DOCK6: variants seen among roughly 807,000 people sequenced by gnomAD.
DOCK6 encodes dedicator of cytokinesis 6, also known as dedicator of cytokinesis protein 6.
Under a neutral mutation model 230.3 loss-of-function variants are expected in DOCK6, and 167 were observed. The ratio of observed to expected loss-of-function variants is 0.73; its 90% CI spans 0.64 to 0.82. The LOEUF is 0.82. Among genes scored for constraint, DOCK6 ranks in the 40% least tolerant of loss-of-function variants. The probability of loss-of-function intolerance (pLI) is 0.00; values close to 1 mark genes in which losing one functional copy is unlikely to be tolerated. For synonymous variants in DOCK6, 1,148 were observed against 1,185.0 expected (o/e 0.97, Z 0.64); for missense variants, 2,598 against 2,825.8 (o/e 0.92, Z 1.83).
intron 14 of DOCK6, among the ~76,000 whole-genome samples, chr19:11,240,938 T>C (rs1363318285): frequency 6.6e-6 from 1 of 151,972 alleles, no homozygotes; most frequent in Non-Finnish European, 1.5e-5. Context: ...AGCACTGTTC[T>C]ATGCCCTTTA....
chr19:11,244,647 G>GA (rs1476375931), intron 9 of DOCK6, among the ~76,000 whole-genome samples: 1 of 151,612 alleles, frequency 6.6e-6, no homozygotes, highest in Non-Finnish European at 1.5e-5. Context: ...TTTTAGTAGA[G>GA]ACGAGGTTTC....
Position 11,201,039 on chromosome 19 carries a change from G to A in DOCK6, c.5702C>T (p.Pro1901Leu). 4 of 1,613,822 alleles carry A rather than the reference G, an allele frequency of 2.5e-6. No individual in the cohort carries two copies. The highest frequency in any genetic ancestry group is 3.4e-6 in the Non-Finnish European group (4 of 1,179,856). The change falls in exon 45 of 48, where the codon CCA becomes CTA. Residue 1901 changes from proline (P) to leucine (L), a missense_variant. Pro to Leu is a moderately conservative substitution (Grantham distance 98). Coordinates refer to ENST00000294618, the MANE Select transcript of DOCK6 (RefSeq NM_020812.4). This position sits in a 1 kb window ranked among gnomAD's most constrained non-coding sequence, Gnocchi z 4.3. The part of the protein sequence containing the change: ...VCHREETVLT[P>L]VEVAIEDMQK... ...CATGTCCTCGATGGCCACCTCCACT[G>A]GCGTCAGCACCGTCTGTGGGGTAAG...
chr19:11,223,126 T>A lies in DOCK6; in HGVS notation c.2956-20A>T. 1 of 1,608,210 alleles carries A rather than the reference T, an allele frequency of 6.2e-7. No individual in the cohort carries two copies. Among genetic ancestry groups the A allele is most frequent in the Non-Finnish European group, 8.5e-7 (1 of 1,176,284 alleles). On this transcript the variant is annotated intron_variant, in intron 24 of 47. Coordinates refer to ENST00000294618, the MANE Select transcript of DOCK6 (RefSeq NM_020812.4). ...CACATCCTGGGGACACAGGTGCCTG[T>A]CAACCCACACACCCAAACCTCAGCC...
chr19:11,247,857 G>A (rs2080059138), intron 7 of DOCK6: 1 of 568,914 alleles, frequency 1.8e-6, no homozygotes, highest in African/African-American at 1.9e-5. Flanking sequence ...GCTGAGAACT[G>A]ATCCTGGCAT....
rs538117635 is a variant in DOCK6, at chr19:11,214,752, G to A, written c.4107-103C>T. 7 of 1,016,312 alleles carry A rather than the reference G, an allele frequency of 6.9e-6. No homozygotes were observed. In the African/African-American group the frequency reaches 8.1e-5, roughly 12 times the overall value. The allele number at this position is 1,016,312 out of a possible 1,614,324, so 63.0% of individuals were successfully genotyped here. On this transcript the variant is annotated intron_variant, in intron 32 of 47. Coordinates refer to ENST00000294618, the MANE Select transcript of DOCK6 (RefSeq NM_020812.4). ...GCAGCCCAGGGGGCACTGGCTCCCT[G>A]GAAGCTGTTCTGTTTTTTGTTTTTG...
chr19:11,215,524 G>T, intron 31 of DOCK6, 53 bp from the exon 32 acceptor site: 1 of 1,525,624 alleles, frequency 6.6e-7, no homozygotes, highest in Non-Finnish European at 9.0e-7. Context: ...GGGCACACGT[G>T]AACATCAGGA....
intron 28 of DOCK6, 71 bp downstream of exon 28, chr19:11,221,780 C>G (rs17001243): frequency 1.2e-6 from 2 of 1,608,682 alleles, no homozygotes; most frequent in Non-Finnish European, 1.7e-6. Context: ...GTTCTCCCAC[C>G]TTTACTATCC....
chr19:11,215,391 C>G lies in DOCK6; in HGVS notation c.4102G>C (p.Asp1368His). The G allele has an allele frequency of 1.2e-6, 2 of 1,613,642 alleles. No individual in the cohort carries two copies. Among genetic ancestry groups the G allele is most frequent in the Non-Finnish European group, 8.5e-7 (1 of 1,179,748 alleles). Residue 1368 changes from aspartate to histidine, a missense_variant, in exon 32 of 48, where the codon GAC becomes CAC. Physicochemically the swap from Asp to His is moderately conservative, Grantham distance 81. Transcript: ENST00000294618. ...CACCCTCCTGCCCACACCTACTTGT[C>G]CACGCGGTCTGAGGTTTGCTTCCAG... ...THWKQTSDRVDKTKDEMEHEA... is the reference protein window; with the variant it reads ...THWKQTSDRVHKTKDEMEHEA...
chr19:11,261,690 G>A (rs560304869), intron 1 of DOCK6, among the ~76,000 whole-genome samples: 1 of 152,144 alleles, frequency 6.6e-6, no homozygotes, highest in African/African-American at 2.4e-5. Flanking sequence ...CCCAGCGCCT[G>A]GGGCCTGTCC....
At chr19:11,221,479 G>C (rs1050193058) in intron 28 of DOCK6, 5 of 201,478 alleles carry the variant, frequency 2.5e-5, no homozygotes, top group African/African-American at 9.3e-5. Context: ...TGTTGAAAAT[G>C]AGTGAATGAA....
chr19:11,232,236 A>C lies in DOCK6; in HGVS notation c.2718+967T>G, dbSNP rs1260041402. ...GGGGCGCCCGCCGCAGCACAGCCTT[A>C]CTGCCTCCTGGAGCATAAGCGGAAT... is the stretch of plus-strand genomic sequence containing the variant. On this transcript the variant is annotated intron_variant, in intron 22 of 47. Transcript: ENST00000294618. The C allele has an allele frequency of 4.7e-6, 6 of 1,289,580 alleles. No homozygotes were observed. The East Asian group carries it at 3.3e-4, about 72-fold the overall frequency. 79.9% of individuals were successfully genotyped at this position (1,289,580 alleles called of 1,614,324 possible). A position where few individuals can be genotyped will look rare whatever the true frequency, so the allele number is the denominator to read the frequency against.
chr19:11,211,555 C>T (rs898645312), intron 37 of DOCK6, among the ~76,000 whole-genome samples: 2 of 142,554 alleles, frequency 1.4e-5, no homozygotes, highest in Non-Finnish European at 3.1e-5. Flanking sequence ...TACCTGTCTG[C>T]TCCCCTGTCC....
At position 11,199,494 on chromosome 19, in the gene DOCK6, G is replaced by C; in HGVS notation, c.*3C>G. ...TCTAGGTACAGCTTTGGTCCTTGTGGGCTCAGAGGTCTGCCTTTCGGAAAC... is the reference window on the plus strand; with the variant it reads ...TCTAGGTACAGCTTTGGTCCTTGTGCGCTCAGAGGTCTGCCTTTCGGAAAC... On this transcript the variant is annotated 3_prime_UTR_variant, in exon 48 of 48. Transcript: ENST00000294618. 6.3e-7 allele frequency: 1 copy of C among 1,581,466 alleles called. No individual in the cohort carries two copies. The highest frequency in any genetic ancestry group is 1.2e-5 in the South Asian group (1 of 86,032).
At chr19:11,255,841 C>T (rs1260897890) in intron 1 of DOCK6, among the ~76,000 whole-genome samples, 1 of 152,154 alleles carries the variant, frequency 6.6e-6, no homozygotes, top group Non-Finnish European at 1.5e-5. Context: ...CGCTGGAGTG[C>T]AGTGGCGCAA....
At chr19:11,209,191 A>G (rs954279604) in intron 37 of DOCK6, 88 bp from the exon 38 acceptor site, 1 of 1,472,054 alleles carries the variant, frequency 6.8e-7, no homozygotes, top group Non-Finnish European at 9.2e-7. Context: ...TTCACTGGTT[A>G]CCCCCATGTC....
Position 11,213,296 on chromosome 19 carries a change from C to T in DOCK6, c.4371G>A (p.Glu1457=). The T allele has an allele frequency of 3.1e-6, 5 of 1,612,480 alleles. No homozygotes were observed. The highest frequency in any genetic ancestry group is 3.4e-6 in the Non-Finnish European group (4 of 1,179,850). ...FPELLFEEDT[E]LCADLCLRLL... ...GCCTCAGGCACAGGTCGGCACACAG[C>T]TCCGTGTCCTCCTCGAACAGCAGCT... Residue 1457 remains glutamate, a synonymous_variant, in exon 35 of 48, where the codon GAG becomes GAA. Coordinates refer to ENST00000294618, the MANE Select transcript of DOCK6 (RefSeq NM_020812.4).
chr19:11,226,055 A>G (rs1229281289), intron 24 of DOCK6, among the ~76,000 whole-genome samples: 1 of 152,028 alleles, frequency 6.6e-6, no homozygotes, highest in Non-Finnish European at 1.5e-5. Context: ...AACAAAAACA[A>G]AAACAGCCAA....
chr19:11,215,998 CCTTT>C, intron 30 of DOCK6, 71 bp from the exon 31 acceptor site: 5 of 1,583,140 alleles, frequency 3.2e-6, no homozygotes, highest in Non-Finnish European at 4.3e-6. Context: ...TGGCCCCATC[CCTTT>C]CTTTGTGCTC....
At chr19:11,232,380 C>T in intron 22 of DOCK6, 1 of 919,802 alleles carries the variant, frequency 1.1e-6, no homozygotes, top group Non-Finnish European at 1.5e-6. Flanking sequence ...CTGGACCATA[C>T]ATGTGCCCAC....
Sources: allele counts gnomAD v4.1 joint callset (sites outside exome capture counted in the v4.1 genomes callset), GRCh38; gene constraint gnomAD v4.1.1; non-coding constraint Gnocchi (gnomAD v3.1); transcripts MANE v1.5; gene names NCBI Gene and HGNC (gene_info 2026-07-23, HGNC 2026-07-21).